FANCG: variants seen among roughly 807,000 people sequenced by gnomAD.
FANCG encodes FA complementation group G, also known as Fanconi anemia group G protein.
FANCG carries 67 observed loss-of-function variants against 73.3 expected under a neutral mutation model. That is an observed-to-expected ratio of 0.91 (90% CI 0.75 to 1.12). The LOEUF is 1.12. Ranked by LOEUF, FANCG falls within the 50% of genes most tolerant of loss-of-function variation. The pLI, the probability that FANCG is intolerant of heterozygous loss-of-function variation, is 0.00. For synonymous variants in FANCG, 297 were observed against 311.6 expected (o/e 0.95, Z 0.49); for missense variants, 643 against 735.6 (o/e 0.87, Z 1.46).
rs765150956 is a variant in FANCG, at chr9:35,074,218, T to G, written c.1761-2A>C. 2 of 1,613,804 alleles carry G rather than the reference T, an allele frequency of 1.2e-6. No individual in the cohort carries two copies. The highest frequency in any genetic ancestry group is 2.2e-5 in the South Asian group (2 of 91,066). ...CTTTCTAGGTACAGGGGGAGAGACC[T>G]GGAGAGAAAGAAGGATGATGCCTAA... On this transcript the variant is annotated splice_acceptor_variant, in intron 13 of 13. Coordinates refer to ENST00000378643, the MANE Select transcript of FANCG (RefSeq NM_004629.2). LOFTEE classifies it high-confidence loss of function.
Position 35,074,195 on chromosome 9 carries a change from T to G in FANCG, c.1782A>C (p.Glu594Asp), listed in dbSNP as rs775113723. Residue 594 changes from glutamate (E) to aspartate (D), a missense_variant, in exon 14 of 14, where the codon GAA becomes GAC. By Grantham distance (45) the Glu-to-Asp change is conservative. Transcript: ENST00000378643. Reference protein sequence around the residue: ...DALWSLPLYLESYLSWIRPSD... With the variant: ...DALWSLPLYLDSYLSWIRPSD... ...AGGGACGGATCCAGCTCAAATAGCT[T>G]TCTAGGTACAGGGGGAGAGACCTGG... is the stretch of plus-strand genomic sequence containing the variant. The G allele has an allele frequency of 1.9e-6, 3 of 1,614,184 alleles. No homozygotes were observed. The East Asian group carries it at 6.7e-5, about 36-fold the overall frequency.
intron 2 of FANCG, 129 bp downstream of exon 2, chr9:35,079,022 C>G: frequency 1.2e-6 from 1 of 833,224 alleles, no homozygotes; most frequent in East Asian, 2.6e-5. Context: ...TGATTCCACT[C>G]CAGTCTCCTC....
Position 35,074,491 on chromosome 9 carries a change from T to G in FANCG, c.1640A>C (p.Asn547Thr). The G allele has an allele frequency of 6.2e-7, 1 of 1,613,984 alleles. No individual in the cohort carries two copies. The highest frequency in any genetic ancestry group is 8.5e-7 in the Non-Finnish European group (1 of 1,180,012). The stretch of plus-strand genomic sequence containing the variant: ...AAGCAGGTGAAAGTAAGTGTCTCGA[T>G]TACCTGTAGCCCCAGCCCAGAGTAC... ...FLLSVQMCPG[N>T]RDTYFHLLQT... Residue 547 changes from asparagine to threonine, a missense_variant, in exon 13 of 14, where the codon AAT (asparagine) becomes ACT (threonine). Asn to Thr is a moderately conservative substitution (Grantham distance 65). Coordinates refer to ENST00000378643, the MANE Select transcript of FANCG (RefSeq NM_004629.2).
Position 35,079,432 on chromosome 9 carries a change from C to T in FANCG, c.84+9G>A. ...GGCTGCAAACCGAGGGTGCCAGCAACCGTGTTACCTTGGCCTGTCGAACGA... is the reference window on the plus strand; with the variant it reads ...GGCTGCAAACCGAGGGTGCCAGCAATCGTGTTACCTTGGCCTGTCGAACGA... On this transcript the variant is annotated intron_variant, in intron 1 of 13. Transcript: ENST00000378643. 3 of 1,614,116 alleles carry T rather than the reference C, an allele frequency of 1.9e-6. No homozygotes were observed. Among genetic ancestry groups the T allele is most frequent in the Non-Finnish European group, 2.5e-6 (3 of 1,180,008 alleles).
chr9:35,074,495 CT>C lies in FANCG; in HGVS notation c.1637-2del, dbSNP rs1224034435. On this transcript the variant is annotated splice_acceptor_variant, in intron 12 of 13. Transcript: ENST00000378643. LOFTEE classifies it high-confidence loss of function. Reference sequence around the variant, plus strand: ...AGGTGAAAGTAAGTGTCTCGATTACCTGTAGCCCCAGCCCAGAGTACAGAGT... The same window carrying C: ...AGGTGAAAGTAAGTGTCTCGATTACCGTAGCCCCAGCCCAGAGTACAGAGT... 3 of 1,613,836 alleles carry C rather than the reference CT, an allele frequency of 1.9e-6. No individual in the cohort carries two copies. The highest frequency in any genetic ancestry group is 2.5e-6 in the Non-Finnish European group (3 of 1,180,010).
rs769402230 is a variant in FANCG, at chr9:35,075,490, T to C, written c.1408A>G (p.Lys470Glu). The C allele has an allele frequency of 3.7e-6, 6 of 1,613,982 alleles. No individual in the cohort carries two copies. Among genetic ancestry groups the C allele is most frequent in the Non-Finnish European group, 5.1e-6 (6 of 1,179,958 alleles). ...GQAWVQLGAQ[K>E]VAISEFSRCL... ...CTGCTAAATTCACTAATTGCCACTT[T>C]TTGGGCACCCAGTTGAACCCAGGCC... is the stretch of plus-strand genomic sequence containing the variant. Residue 470 changes from lysine to glutamate, a missense_variant, in exon 10 of 14, where the codon AAA (lysine) becomes GAA (glutamate). Coordinates refer to ENST00000378643, the MANE Select transcript of FANCG (RefSeq NM_004629.2).
intron 12 of FANCG, 112 bp from the exon 13 acceptor site, chr9:35,074,606 C>T: frequency 7.1e-7 from 1 of 1,406,492 alleles, no homozygotes; most frequent in Non-Finnish European, 9.9e-7. Context: ...CCTACACTCA[C>T]ATATGGAAGC....
chr9:35,077,495 C>T, intron 4 of FANCG, 96 bp from the exon 5 acceptor site: 2 of 1,494,412 alleles, frequency 1.3e-6, no homozygotes, highest in South Asian at 2.3e-5. Flanking sequence ...CTCAAGGGTC[C>T]TCTTGATCCT....
At chr9:35,076,085 G>A in intron 8 of FANCG, 57 bp from the exon 9 acceptor site, 1 of 1,513,326 alleles carries the variant, frequency 6.6e-7, no homozygotes, top group Non-Finnish European at 9.2e-7. Context: ...ACCTGCAAGG[G>A]TCCTGAGAAT....
chr9:35,076,776 T>C lies in FANCG; in HGVS notation c.872A>G (p.Gln291Arg). 1 of 1,614,172 alleles carries C rather than the reference T, an allele frequency of 6.2e-7. No homozygotes were observed. The highest frequency in any genetic ancestry group is 2.2e-5 in the East Asian group (1 of 44,880). Reference protein sequence around the residue: ...PPLLEASRLYQQLGDTTAELE... With the variant: ...PPLLEASRLYRQLGDTTAELE... Reference sequence around the variant, plus strand: ...CTCTGCTGTTGTGTCCCCCAGTTGCTGATAGAGCCTAGAGGCCTCCAGAAG... The same window carrying C: ...CTCTGCTGTTGTGTCCCCCAGTTGCCGATAGAGCCTAGAGGCCTCCAGAAG... Residue 291 changes from glutamine to arginine, a missense_variant, in exon 7 of 14, where the codon CAG becomes CGG. Gln to Arg is a conservative substitution (Grantham distance 43). Transcript: ENST00000378643.
chr9:35,078,344 C>T lies in FANCG; in HGVS notation c.308-1G>A, dbSNP rs1441100300. On this transcript the variant is annotated splice_acceptor_variant, in intron 3 of 13. Transcript: ENST00000378643. LOFTEE classifies it high-confidence loss of function. ...CCCTGCTGCTCCTGTGTCTCCAGCACTGTAGAGTATACACACACACATAGA... is the reference window on the plus strand; with the variant it reads ...CCCTGCTGCTCCTGTGTCTCCAGCATTGTAGAGTATACACACACACATAGA... 6.2e-7 allele frequency: 1 copy of T among 1,612,894 alleles called. No individual in the cohort carries two copies. Among genetic ancestry groups the T allele is most frequent in the African/African-American group, 1.3e-5 (1 of 74,882 alleles).
In FANCG at chr9:35,076,010, C is replaced by T. The variant is rs1587140720; in HGVS notation, c.1095G>A (p.Glu365=). ...LQTGRAGDAA[E]HYLDLLALLL... ...ACAGGGCCAGCAGGTCCAAGTAATGCTCTGCAGCGTCTCCTGCCCTGAGGA... is the reference window on the plus strand; with the variant it reads ...ACAGGGCCAGCAGGTCCAAGTAATGTTCTGCAGCGTCTCCTGCCCTGAGGA... Residue 365 remains glutamate (E), a synonymous_variant, in exon 9 of 14, where the codon GAG becomes GAA. Coordinates refer to ENST00000378643, the MANE Select transcript of FANCG (RefSeq NM_004629.2). 3.1e-6 allele frequency: 5 copies of T among 1,614,010 alleles called. No individual in the cohort carries two copies. The highest frequency in any genetic ancestry group is 1.3e-5 in the African/African-American group (1 of 74,950).
In FANCG at chr9:35,075,292, C is replaced by A; in HGVS notation, c.1467G>T (p.Glu489Asp). ...AGTTTAGATCACCTTGTTCTTTTTC[C>A]TCAGGTGTGGCCCGGAAGAGCAGCT... The part of the protein sequence containing the change: ...CLELLFRATP[E>D]EKEQGAAFNC... The change falls in exon 11 of 14, where the codon GAG becomes GAT. Residue 489 changes from glutamate to aspartate, a missense_variant. Coordinates refer to ENST00000378643, the MANE Select transcript of FANCG (RefSeq NM_004629.2). 6.2e-7 allele frequency: 1 copy of A among 1,614,126 alleles called. No homozygotes were observed. Among genetic ancestry groups the A allele is most frequent in the Non-Finnish European group, 8.5e-7 (1 of 1,180,040 alleles).
Position 35,076,489 on chromosome 9 carries a change from C to T in FANCG, c.1019G>A (p.Cys340Tyr), listed in dbSNP as rs2131055383. The change falls in exon 8 of 14, where the codon TGT (cysteine) becomes TAT (tyrosine). Residue 340 changes from cysteine (C) to tyrosine (Y), a missense_variant. Physicochemically the swap from Cys to Tyr is radical, Grantham distance 194. Coordinates refer to ENST00000378643, the MANE Select transcript of FANCG (RefSeq NM_004629.2). Reference sequence around the variant, plus strand: ...GTGCTTGGTCTGGCTCTGAGTGCCACAATGAAGGGGTGAGGCTAGGTCAGG... The same window carrying T: ...GTGCTTGGTCTGGCTCTGAGTGCCATAATGAAGGGGTGAGGCTAGGTCAGG... Reference protein sequence around the residue: ...PPPDLASPLHCGTQSQTKHIL... With the variant: ...PPPDLASPLHYGTQSQTKHIL... The T allele has an allele frequency of 6.2e-7, 1 of 1,614,126 alleles. No homozygotes were observed. Among genetic ancestry groups the T allele is most frequent in the East Asian group, 2.2e-5 (1 of 44,878 alleles).
chr9:35,078,101 A>C (rs2131058189), intron 4 of FANCG, 40 bp downstream of exon 4: 1 of 1,572,024 alleles, frequency 6.4e-7, no homozygotes, highest in South Asian at 1.1e-5. Flanking sequence ...AGGAGGAAGG[A>C]AGGAGGAGAC....
intron 4 of FANCG, 148 bp from the exon 5 acceptor site, chr9:35,077,547 A>G (rs922078619): frequency 3.3e-6 from 3 of 903,640 alleles, no homozygotes; most frequent in Admixed American, 4.0e-5. Context: ...GCAAGAAGCT[A>G]TGCATAATGC....
intron 3 of FANCG, 25 bp from the exon 4 acceptor site, chr9:35,078,368 GAC>G (rs769184389): frequency 4.4e-6 from 7 of 1,604,310 alleles, no homozygotes; most frequent in Non-Finnish European, 4.3e-6. Context: ...CACACACATA[GAC>G]ACACACACAG....
chr9:35,079,580 C>T lies in FANCG; in HGVS notation c.-56G>A, dbSNP rs967151809. On this transcript the variant is annotated 5_prime_UTR_variant, in exon 1 of 14. Transcript: ENST00000378643. ...GCGGACTTAGGAAGGGTGAAGCTGG[C>T]CTGCCCAAGCTCCCAACCCCAGCGG... 270 of 1,569,652 alleles carry T rather than the reference C, an allele frequency of 1.7e-4. 2 individuals are homozygous for T. The highest frequency in any genetic ancestry group is 4.3e-4 in the South Asian group (39 of 90,108).
At position 35,079,691 on chromosome 9, in the gene FANCG, G is replaced by A; in HGVS notation, c.-167C>T. ...CCACCCGCCCAGGCTTTCCAGGACA[G>A]ATGGGACGCTCTCTCCCCGCGGCCC... On this transcript the variant is annotated 5_prime_UTR_variant, in exon 1 of 14. Coordinates refer to ENST00000378643, the MANE Select transcript of FANCG (RefSeq NM_004629.2). 1 of 688,060 alleles carries A rather than the reference G, an allele frequency of 1.5e-6. No homozygotes were observed. The highest frequency in any genetic ancestry group is 2.7e-5 in the East Asian group (1 of 36,782). 42.6% of individuals were successfully genotyped at this position (688,060 alleles called of 1,614,324 possible). A position where few individuals can be genotyped will look rare whatever the true frequency, so the allele number is the denominator to read the frequency against.
Sources: gnomAD v4.1 joint callset for allele counts on GRCh38, gnomAD v4.1.1 for gene constraint, MANE v1.5 for transcripts, NCBI Gene and HGNC (gene_info 2026-07-23, HGNC 2026-07-21) for gene names.